Variants in AGPS observed in about 807,000 individuals in gnomAD.
The protein encoded by AGPS is alkyldihydroxyacetonephosphate synthase, peroxisomal.
A neutral mutation model predicts 90.7 loss-of-function variants in AGPS; 26 were observed. The ratio of observed to expected loss-of-function variants is 0.29; its 90% CI spans 0.21 to 0.40. The LOEUF is 0.40. AGPS is among the 10% of genes least tolerant of loss of function. The pLI is 1.00. For missense variants in AGPS, 540 were observed against 816.1 expected (o/e 0.66, Z 4.12); for synonymous variants, 294 against 285.3 (o/e 1.03, Z -0.31).
At chr2:177,505,826 CT>C (rs1688693209) in intron 15 of AGPS, among the ~76,000 whole-genome samples, 1 of 151,860 alleles carries the variant, frequency 6.6e-6, no homozygotes, top group Non-Finnish European at 1.5e-5. Flanking sequence ...TGGAGCCTTT[CT>C]CTGTTTAAAA....
intron 1 of AGPS, among the ~76,000 whole-genome samples, chr2:177,414,332 A>G (rs150864378): frequency 3.9e-5 from 6 of 152,000 alleles, no homozygotes; most frequent in Non-Finnish European, 8.8e-5. Context: ...TTGGCCTTGT[A>G]GTAGCTGGGA....
chr2:177,408,651 C>T (rs550312855), intron 1 of AGPS, among the ~76,000 whole-genome samples: 5 of 152,270 alleles, frequency 3.3e-5, no homozygotes, highest in African/African-American at 9.6e-5. Flanking sequence ...TGTTTTCTTG[C>T]GGAATTCTAC....
At chr2:177,427,612 C>G (rs1349432685) in intron 2 of AGPS, among the ~76,000 whole-genome samples, 1 of 151,932 alleles carries the variant, frequency 6.6e-6, no homozygotes, top group East Asian at 1.9e-4. Context: ...AGGAGTCATT[C>G]AGGTTGTTCA....
chr2:177,393,372 T>C, intron 1 of AGPS: 1 of 985,362 alleles, frequency 1.0e-6, no homozygotes, highest in Non-Finnish European at 1.2e-6. Flanking sequence ...AATTAATACT[T>C]TTGGTGCTGA....
At chr2:177,446,299 A>T (rs1686770596) in intron 8 of AGPS, among the ~76,000 whole-genome samples, 1 of 151,954 alleles carries the variant, frequency 6.6e-6, no homozygotes, top group Non-Finnish European at 1.5e-5. Flanking sequence ...GACTACAGGC[A>T]CCCACTACCG....
intron 1 of AGPS, among the ~76,000 whole-genome samples, chr2:177,399,252 T>C (rs1056169036): frequency 6.6e-6 from 1 of 152,240 alleles, no homozygotes; most frequent in Non-Finnish European, 1.5e-5. Flanking sequence ...TATTTCCTTA[T>C]TATTGAGAAG....
intron 5 of AGPS, among the ~76,000 whole-genome samples, chr2:177,438,726 C>A (rs1056435112): frequency 4.6e-5 from 7 of 152,150 alleles, no homozygotes; most frequent in African/African-American, 1.7e-4. Flanking sequence ...CTTCAAGAAT[C>A]TGTATGAATG....
intron 19 of AGPS, among the ~76,000 whole-genome samples, chr2:177,525,209 A>C (rs1362100247): frequency 6.6e-6 from 1 of 152,194 alleles, no homozygotes; most frequent in Non-Finnish European, 1.5e-5. Flanking sequence ...AATTTGAATG[A>C]GGAGTTACTT....
In AGPS at chr2:177,392,982, T is replaced by C. The variant is rs1685062739; in HGVS notation, c.193T>C (p.Ser65Pro). ...TGAGTGCAAAGCGCGGAGAGCCGCG[T>C]CGGCGGCCACGGCAGCGCCCACGGC... ...TNECKARRAA[S>P]AATAAPTATP... Residue 65 changes from serine to proline, a missense_variant, in exon 1 of 20, where the codon TCG becomes CCG. Ser to Pro is a moderately conservative substitution (Grantham distance 74). This residue lies in a region of AGPS where 135 missense variants were observed against 124.0 expected (regional missense o/e 1.09). Transcript: ENST00000264167. The C allele has an allele frequency of 6.5e-7, 1 of 1,549,888 alleles. No homozygotes were observed. Among genetic ancestry groups the C allele is most frequent in the African/African-American group, 1.4e-5 (1 of 73,112 alleles).
rs142541809 is a variant in AGPS at position 177,406,131 on chromosome 2, C to T, written c.260+13082C>T. The stretch of plus-strand genomic sequence containing the variant: ...CTCCAAGTCAGATGGACTCTATTAT[C>T]GACTCTCAAGACACTTTGCTTTTCT... On this transcript the variant is annotated intron_variant, in intron 1 of 19. Transcript: ENST00000264167. Among the ~76,000 whole-genome samples the T allele has an allele frequency of 7.6e-3, 1,152 of 152,272 alleles. 22 individuals carry two copies. Among genetic ancestry groups the T allele is most frequent in the South Asian group, 0.055 (266 of 4,824 alleles).
At chr2:177,530,365 A>G (rs2079128013) in intron 19 of AGPS, among the ~76,000 whole-genome samples, 1 of 152,254 alleles carries the variant, frequency 6.6e-6, no homozygotes, top group Non-Finnish European at 1.5e-5. Flanking sequence ...GTATAATTGC[A>G]TAAAGCAGAA....
chr2:177,481,721 A>T (rs1042006590), intron 10 of AGPS, among the ~76,000 whole-genome samples: 28 of 152,194 alleles, frequency 1.8e-4, no homozygotes, highest in African/African-American at 6.3e-4. Flanking sequence ...CATATGAGAC[A>T]TAAGAATCCA....
rs752551801 is a variant in AGPS at position 177,445,644 on chromosome 2, C to G, written c.870+18C>G. On this transcript the variant is annotated intron_variant, in intron 8 of 19. Transcript: ENST00000264167. ...AAAGACAGGTATGTTATTTATTTTT[C>G]TTATTTTTTTAAATTAACTTATTCT... 3.3e-6 allele frequency: 5 copies of G among 1,533,444 alleles called. No homozygotes were observed. The highest frequency in any genetic ancestry group is 4.4e-6 in the Non-Finnish European group (5 of 1,134,336). The allele number at this position is 1,533,444 out of a possible 1,614,324, so 95.0% of individuals were successfully genotyped here. A position where few individuals can be genotyped will look rare whatever the true frequency, so the allele number is the denominator to read the frequency against.
chr2:177,499,223 G>A lies in AGPS; in HGVS notation c.1363-395G>A, dbSNP rs118118249. ...TTTATTTAATAAGAAGTTATTGTTA[G>A]TATGTAGGGATGTTGTTGATTTTTG... On this transcript the variant is annotated intron_variant, in intron 13 of 19. Transcript: ENST00000264167. Among the ~76,000 whole-genome samples the A allele has an allele frequency of 4.0e-3, 612 of 151,854 alleles. 5 individuals are homozygous for A. The highest frequency in any genetic ancestry group is 0.032 in the East Asian group (167 of 5,192).
At chr2:177,517,231 A>G in intron 17 of AGPS, among the ~76,000 whole-genome samples, 1 of 152,140 alleles carries the variant, frequency 6.6e-6, no homozygotes, top group South Asian at 2.1e-4. Flanking sequence ...TCAGATATAT[A>G]TTATATATAT....
At chr2:177,397,761 C>T (rs1685227411) in intron 1 of AGPS, among the ~76,000 whole-genome samples, 1 of 152,180 alleles carries the variant, frequency 6.6e-6, no homozygotes, top group Admixed American at 6.5e-5. Context: ...GGCATGGTGA[C>T]TCACACCCCA....
At position 177,423,163 on chromosome 2, in the gene AGPS, C is replaced by G. The variant is rs1333202727; in HGVS notation, c.350+2805C>G. Among the ~76,000 whole-genome samples the G allele has an allele frequency of 1.3e-3, 98 of 73,650 alleles. 42 individuals carry two copies. The highest frequency in any genetic ancestry group is 3.1e-3 in the Non-Finnish European group (92 of 29,838). 48.3% of individuals were successfully genotyped at this position (73,650 alleles called of 152,430 possible). On this transcript the variant is annotated intron_variant, in intron 2 of 19. Coordinates refer to ENST00000264167, the MANE Select transcript of AGPS (RefSeq NM_003659.4). ...GTCTTCAAACCCTGGGAGCACTACA[C>G]TCTGTATACCAGCACGGTAGAATTA...
Position 177,539,302 on chromosome 2 carries a change from A to C in AGPS, c.*1107A>C, listed in dbSNP as rs180744021. ...AACTGGTTTAACCTAATTTTTTTTAAATGTAATGTATTAATGCATATACCA... is the reference window on the plus strand; with the variant it reads ...AACTGGTTTAACCTAATTTTTTTTACATGTAATGTATTAATGCATATACCA... On this transcript the variant is annotated 3_prime_UTR_variant, in exon 20 of 20. Transcript: ENST00000264167. The C allele has an allele frequency of 6.6e-6, 1 of 152,116 alleles. No homozygotes were observed. The highest frequency in any genetic ancestry group is 1.5e-5 in the Non-Finnish European group (1 of 67,914). The allele number at this position is 152,116 out of a possible 1,614,324, so 9.4% of individuals were successfully genotyped here. A position where few individuals can be genotyped will look rare whatever the true frequency, so the allele number is the denominator to read the frequency against.
rs1400544926 is a variant in AGPS at position 177,392,826 on chromosome 2, T to A, written c.37T>A (p.Leu13Met). The A allele has an allele frequency of 6.4e-7, 1 of 1,551,870 alleles. No individual in the cohort carries two copies. The change falls in exon 1 of 20, where the codon TTG becomes ATG. Residue 13 changes from leucine (L) to methionine (M), a missense_variant. Leu to Met is a conservative substitution (Grantham distance 15). This residue lies in a region of AGPS where 135 missense variants were observed against 124.0 expected (regional missense o/e 1.09). Transcript: ENST00000264167. ...EAAAAAGGTG[L>M]GAGASYGSAA... ...GGCGGCTGCAGCGGGTGGGACTGGCTTGGGCGCGGGCGCGAGCTACGGGTC... is the reference window on the plus strand; with the variant it reads ...GGCGGCTGCAGCGGGTGGGACTGGCATGGGCGCGGGCGCGAGCTACGGGTC...
Sources: gnomAD v4.1 joint callset for allele counts (sites outside exome capture counted in the v4.1 genomes callset) on GRCh38, gnomAD v4.1.1 for gene constraint, gnomAD v4.1.1 regional missense constraint, MANE v1.5 for transcripts, NCBI Gene and HGNC (gene_info 2026-07-23, HGNC 2026-07-21) for gene names.